Variants in SULF1 observed in about 807,000 individuals in gnomAD.
SULF1 encodes sulfatase 1.
Under a neutral mutation model 110.5 loss-of-function variants are expected in SULF1, and 46 were observed. The observed-to-expected ratio is 0.42, with a 90% confidence interval of 0.33 to 0.53. SULF1 has a LOEUF of 0.53. Among genes scored for constraint, SULF1 ranks in the 20% least tolerant of loss-of-function variants. The probability of loss-of-function intolerance (pLI) is 0.12; values close to 1 mark genes in which losing one functional copy is unlikely to be tolerated. For synonymous variants in SULF1, 371 were observed against 387.1 expected (o/e 0.96, Z 0.49); for missense variants, 941 against 1,094.2 (o/e 0.86, Z 1.98).
chr8:69,490,108 T>C (rs1010537131), upstream of SULF1, among the ~76,000 whole-genome samples: 85 of 148,992 alleles, frequency 5.7e-4, no homozygotes, highest in Non-Finnish European at 1.1e-3. Context: ...TTTTCTTTTT[T>C]TTTTTTTTTT....
intron 12 of SULF1, 78 bp downstream of exon 12, chr8:69,603,734 T>G: frequency 3.0e-6 from 3 of 987,872 alleles, no homozygotes; most frequent in African/African-American, 3.2e-5. Flanking sequence ...TTTTTTCTCC[T>G]TATTTTTGTT....
At chr8:69,553,858 A>G (rs1814895927) in intron 3 of SULF1, among the ~76,000 whole-genome samples, 1 of 152,216 alleles carries the variant, frequency 6.6e-6, no homozygotes, top group African/African-American at 2.4e-5. Context: ...TGCAAATATT[A>G]TTAAAGATTG....
chr8:69,538,275 C>T (rs1488586295), intron 3 of SULF1, among the ~76,000 whole-genome samples: 13 of 131,086 alleles, frequency 9.9e-5, no homozygotes, highest in South Asian at 2.5e-4. Context: ...TTTCTGTTGC[C>T]TTTTTTTTTT....
intron 22 of SULF1, among the ~76,000 whole-genome samples, chr8:69,656,990 T>C (rs1478615038): frequency 1.3e-5 from 2 of 152,236 alleles, no homozygotes; most frequent in Non-Finnish European, 2.9e-5. Flanking sequence ...ATCTGTTGTT[T>C]CTTGACATTT....
At chr8:69,614,631 GTTAT>G (rs1268513457) in intron 13 of SULF1, among the ~76,000 whole-genome samples, 2 of 152,352 alleles carry the variant, frequency 1.3e-5, no homozygotes, top group Non-Finnish European at 2.9e-5. Context: ...TTCATCAGGT[GTTAT>G]TTATATACAG....
upstream of SULF1, among the ~76,000 whole-genome samples, chr8:69,489,214 C>T (rs753939244): frequency 7.9e-5 from 12 of 152,188 alleles, no homozygotes; most frequent in Non-Finnish European, 2.9e-5. Context: ...TGCCTGATCT[C>T]TCTAAGGTCT....
intron 3 of SULF1, among the ~76,000 whole-genome samples, chr8:69,554,433 T>C (rs1310563319): frequency 5.3e-5 from 8 of 152,224 alleles, no homozygotes; most frequent in African/African-American, 1.7e-4. Flanking sequence ...TTTCATTCTA[T>C]AAATTCTTAT....
intron 2 of SULF1, among the ~76,000 whole-genome samples, chr8:69,497,324 A>AT (rs1407788083): frequency 6.6e-6 from 1 of 151,680 alleles, no homozygotes; most frequent in African/African-American, 2.4e-5. Context: ...CGCCTGGCTA[A>AT]TTTTTGTATT....
At chr8:69,548,520 T>C (rs1050435099) in intron 3 of SULF1, among the ~76,000 whole-genome samples, 1 of 150,986 alleles carries the variant, frequency 6.6e-6, no homozygotes, top group Non-Finnish European at 1.5e-5. Context: ...TGATCTCGGC[T>C]CACTGCATCC....
chr8:69,511,853 T>C (rs1249976026), intron 3 of SULF1, among the ~76,000 whole-genome samples: 1 of 152,220 alleles, frequency 6.6e-6, no homozygotes, highest in Non-Finnish European at 1.5e-5. Context: ...TCGATGACTT[T>C]TTTACAGCTA....
chr8:69,589,161 C>A lies in SULF1; in HGVS notation c.734+20C>A. 1 of 1,606,622 alleles carries A rather than the reference C, an allele frequency of 6.2e-7. No homozygotes were observed. Among genetic ancestry groups the A allele is most frequent in the Non-Finnish European group, 8.5e-7 (1 of 1,174,576 alleles). On this transcript the variant is annotated intron_variant, in intron 8 of 22. Coordinates refer to ENST00000402687, the MANE Select transcript of SULF1 (RefSeq NM_001128205.2). ...ACACATGTAAGTAACAAACTCAACTCTGCGACCTGCCGAACATGCCTTTCC... is the reference window on the plus strand; with the variant it reads ...ACACATGTAAGTAACAAACTCAACTATGCGACCTGCCGAACATGCCTTTCC...
At chr8:69,633,351 G>A (rs1485539854) in intron 19 of SULF1, among the ~76,000 whole-genome samples, 2 of 143,026 alleles carry the variant, frequency 1.4e-5, no homozygotes, top group Non-Finnish European at 3.0e-5. Flanking sequence ...TTTTTGAGAT[G>A]GAGTTTCGCT....
At chr8:69,482,337 AT>A (rs1408777435) in intron 1 of SULF1, among the ~76,000 whole-genome samples, 1 of 152,220 alleles carries the variant, frequency 6.6e-6, no homozygotes, top group African/African-American at 2.4e-5. Context: ...CTTTAGTTTT[AT>A]ATAACAATTT....
chr8:69,477,012 G>A (rs1393876024), intron 1 of SULF1, among the ~76,000 whole-genome samples: 2 of 152,142 alleles, frequency 1.3e-5, no homozygotes, highest in African/African-American at 4.8e-5. Flanking sequence ...ACTGAAACAT[G>A]AGTTGATATT....
intron 19 of SULF1, 183 bp from the exon 20 acceptor site, chr8:69,638,319 A>G: frequency 2.9e-6 from 2 of 687,494 alleles, no homozygotes; most frequent in South Asian, 4.0e-5. Context: ...ATTTTCACCT[A>G]GTTTCACAGC....
chr8:69,604,814 G>A lies in SULF1; in HGVS notation c.1259G>A (p.Arg420His), dbSNP rs201100928. The A allele has an allele frequency of 8.4e-5, 135 of 1,613,722 alleles. 1 individual carries two copies. The highest frequency in any genetic ancestry group is 1.1e-4 in the African/African-American group (8 of 74,852). ...TFLVERGKFL[R>H]KKEESSKNIQ... Reference sequence around the variant, plus strand: ...CCTTTTTGTCGAAGCAAATTTCTACGTAAGAAGGAAGAATCCAGCAAGAAT... The same window carrying A: ...CCTTTTTGTCGAAGCAAATTTCTACATAAGAAGGAAGAATCCAGCAAGAAT... The change falls in exon 13 of 23, where the codon CGT becomes CAT. Residue 420 changes from arginine to histidine, a missense_variant. This residue lies in a region of SULF1 where 822 missense variants were observed against 934.3 expected (regional missense o/e 0.88). Transcript: ENST00000402687.
intron 5 of SULF1, 127 bp downstream of exon 5, chr8:69,564,274 C>T (rs1234436613): frequency 2.0e-5 from 23 of 1,123,964 alleles, no homozygotes; most frequent in South Asian, 3.0e-5. Context: ...CCCTAGTTTA[C>T]GCAATGAACT....
chr8:69,503,764 C>G (rs1392184329), intron 3 of SULF1, among the ~76,000 whole-genome samples: 1 of 152,090 alleles, frequency 6.6e-6, no homozygotes, highest in Non-Finnish European at 1.5e-5. Context: ...CTTAGTTTCT[C>G]TTATGCTATG....
At chr8:69,523,011 T>G (rs1432274071) in intron 3 of SULF1, among the ~76,000 whole-genome samples, 1 of 152,124 alleles carries the variant, frequency 6.6e-6, no homozygotes, top group Non-Finnish European at 1.5e-5. Flanking sequence ...CAGTAAAATA[T>G]GTGTTTAAAT....
Sources: gnomAD v4.1 joint callset for allele counts (sites outside exome capture counted in the v4.1 genomes callset) on GRCh38, gnomAD v4.1.1 for gene constraint, gnomAD v4.1.1 regional missense constraint, MANE v1.5 for transcripts, NCBI Gene and HGNC (gene_info 2026-07-23, HGNC 2026-07-21) for gene names.